SNX14: variants seen among roughly 807,000 people sequenced by gnomAD.
SNX14 encodes the protein sorting nexin 14.
Under a neutral mutation model 133.8 loss-of-function variants are expected in SNX14, and 93 were observed. The observed-to-expected ratio is 0.70, with a 90% confidence interval of 0.59 to 0.83. The LOEUF (loss-of-function observed/expected upper bound fraction) is 0.83. Ranked by LOEUF, SNX14 falls within the 40% of genes least tolerant of loss-of-function variation. The pLI, the probability that SNX14 is intolerant of heterozygous loss-of-function variation, is 0.00. For synonymous variants in SNX14, 368 were observed against 365.6 expected (o/e 1.01, Z -0.07); for missense variants, 945 against 1,094.9 (o/e 0.86, Z 1.93).
At chr6:85,562,499 A>C (rs1450333712) in intron 6 of SNX14, among the ~76,000 whole-genome samples, 3 of 152,108 alleles carry the variant, frequency 2.0e-5, no homozygotes, top group Non-Finnish European at 4.4e-5. Flanking sequence ...CTCAATTAAC[A>C]ATCTTAGTAG....
In SNX14 at chr6:85,520,932, T is replaced by C. The variant is rs560344558; in HGVS notation, c.2108-2884A>G. Among the ~76,000 whole-genome samples, 4 of 152,300 alleles carry C rather than the reference T, an allele frequency of 2.6e-5. No homozygotes were observed. In the South Asian group the frequency reaches 8.3e-4, roughly 32 times the overall value. ...CAAAGAACTCTACTATGAACGTTCT[T>C]AAACATGGATAGATTCTCCAAAGTA... On this transcript the variant is annotated intron_variant, in intron 21 of 28. Transcript: ENST00000314673.
intron 2 of SNX14, 91 bp from the exon 3 acceptor site, chr6:85,572,465 C>A: frequency 1.0e-6 from 1 of 992,390 alleles, no homozygotes; most frequent in Non-Finnish European, 1.5e-6. Flanking sequence ...TTTTTAAAAT[C>A]AATGTATAAA....
chr6:85,585,761 AAGAAATGAGAGAATTCG>A (rs1306681019), intron 1 of SNX14, among the ~76,000 whole-genome samples: 1 of 152,202 alleles, frequency 6.6e-6, no homozygotes, highest in Non-Finnish European at 1.5e-5. Context: ...AAAAATACAG[AAGAAATGAGAGAATTCG>A]AGAATAACCA....
intron 18 of SNX14, among the ~76,000 whole-genome samples, chr6:85,532,992 T>A (rs1434803250): frequency 6.6e-6 from 1 of 152,116 alleles, no homozygotes; most frequent in Non-Finnish European, 1.5e-5. Context: ...GTTGAAGCGA[T>A]CTTCATGCCT....
At chr6:85,591,960 C>T (rs1404778196) in intron 1 of SNX14, among the ~76,000 whole-genome samples, 1 of 152,182 alleles carries the variant, frequency 6.6e-6, no homozygotes, top group Non-Finnish European at 1.5e-5. Flanking sequence ...TTGCAGTGAG[C>T]CGAGACCGCA....
chr6:85,513,598 T>C lies in SNX14; in HGVS notation c.2653+202A>G, dbSNP rs12203963. On this transcript the variant is annotated intron_variant, in intron 26 of 28. Coordinates refer to ENST00000314673, the MANE Select transcript of SNX14 (RefSeq NM_153816.6). The stretch of plus-strand genomic sequence containing the variant: ...GGCTATTATGTGAGTAGAAACAGCC[T>C]TGCCTTAAAGTCCTAATATCTTAGT... Among the ~76,000 whole-genome samples the C allele has an allele frequency of 0.46, 70,440 of 152,062 alleles. 17,741 individuals are homozygous for C. The highest frequency in any genetic ancestry group is 0.6 in the Middle Eastern group (174 of 292).
chr6:85,514,548 C>A lies in SNX14; in HGVS notation c.2350G>T (p.Val784Leu), dbSNP rs750316646. 1.2e-6 allele frequency: 2 copies of A among 1,613,422 alleles called. No individual in the cohort carries two copies. Among genetic ancestry groups the A allele is most frequent in the South Asian group, 1.1e-5 (1 of 91,066 alleles). ...RKQNQNYFMEVMTVEGVYDYL... is the reference protein window; with the variant it reads ...RKQNQNYFMELMTVEGVYDYL... ...TCATAGACTCCTTCTACAGTCATCA[C>A]CTCCATAAAATAATTCTGATTTTGC... Residue 784 changes from valine to leucine, a missense_variant, in exon 24 of 29, where the codon GTG becomes TTG. Physicochemically the swap from Val to Leu is conservative, Grantham distance 32. Around this residue, in one of 3 missense-constraint regions of SNX14, gnomAD observed 412 missense variants for 516.6 expected, o/e 0.80. Coordinates refer to ENST00000314673, the MANE Select transcript of SNX14 (RefSeq NM_153816.6).
rs112263347 is a variant in SNX14, at chr6:85,573,798, A to G, written c.261+460T>C. On this transcript the variant is annotated intron_variant, in intron 2 of 28. Coordinates refer to ENST00000314673, the MANE Select transcript of SNX14 (RefSeq NM_153816.6). Reference sequence around the variant, plus strand: ...CAATCAAAATCTGGTAGTACACCCCAGGAATCTGTATTTTTTAATTCCCCA... The same window carrying G: ...CAATCAAAATCTGGTAGTACACCCCGGGAATCTGTATTTTTTAATTCCCCA... 4.3e-3 allele frequency among the ~76,000 whole-genome samples: 656 copies of G among 152,324 alleles called. 7 individuals carry two copies. The highest frequency in any genetic ancestry group is 0.015 in the African/African-American group (624 of 41,568).
At chr6:85,542,453 G>A (rs570054158) in intron 14 of SNX14, among the ~76,000 whole-genome samples, 64 of 152,266 alleles carry the variant, frequency 4.2e-4, no homozygotes, top group Non-Finnish European at 7.6e-4. Flanking sequence ...GGAGTGCAGT[G>A]GTGCGATCTC....
intron 26 of SNX14, among the ~76,000 whole-genome samples, chr6:85,508,646 T>A (rs1432308981): frequency 1.3e-5 from 2 of 149,974 alleles, no homozygotes; most frequent in East Asian, 3.8e-4. Flanking sequence ...AAGTTACTAT[T>A]AACCATCTTA....
intron 1 of SNX14, among the ~76,000 whole-genome samples, chr6:85,588,133 A>G (rs1801564478): frequency 6.6e-6 from 1 of 152,066 alleles, no homozygotes; most frequent in African/African-American, 2.4e-5. Flanking sequence ...GTACACAAAA[A>G]AACTTAAAAA....
chr6:85,511,690 G>A (rs1224726511), intron 26 of SNX14, among the ~76,000 whole-genome samples: 1 of 152,168 alleles, frequency 6.6e-6, no homozygotes, highest in African/African-American at 2.4e-5. Context: ...ATGTGATGAT[G>A]GACTACCTTA....
chr6:85,587,759 G>A (rs1057342726), intron 1 of SNX14, among the ~76,000 whole-genome samples: 10 of 151,536 alleles, frequency 6.6e-5, no homozygotes, highest in Middle Eastern at 3.4e-3. Context: ...ACCAAACCCC[G>A]CCTTAAATAA....
At chr6:85,554,656 T>G (rs7771612) in intron 7 of SNX14, among the ~76,000 whole-genome samples, 91,084 of 151,898 alleles carry the variant, frequency 0.6, 27,573 homozygotes, top group Admixed American at 0.68. Flanking sequence ...CTTCATTAAT[T>G]ATGATGATTA....
Position 85,506,006 on chromosome 6 carries a change from C to G in SNX14, c.2803-1G>C. On this transcript the variant is annotated splice_acceptor_variant, in intron 28 of 28. Transcript: ENST00000314673. LOFTEE classifies it high-confidence loss of function. Reference sequence around the variant, plus strand: ...TCACAGAGGTAACTTCCTTTTGTACCTAAAGTAAAAATAAATCCATTTAAT... The same window carrying G: ...TCACAGAGGTAACTTCCTTTTGTACGTAAAGTAAAAATAAATCCATTTAAT... The G allele has an allele frequency of 6.3e-7, 1 of 1,584,662 alleles. No individual in the cohort carries two copies. The highest frequency in any genetic ancestry group is 1.1e-5 in the South Asian group (1 of 90,432).
intron 17 of SNX14, among the ~76,000 whole-genome samples, chr6:85,536,021 T>C (rs769794972): frequency 8.5e-5 from 13 of 152,166 alleles, no homozygotes; most frequent in Non-Finnish European, 1.3e-4. Flanking sequence ...CTTGCCTTTA[T>C]GGGACTATGT....
Position 85,547,226 on chromosome 6 carries a change from C to A in SNX14, c.994G>T (p.Val332Leu). 4 of 1,613,352 alleles carry A rather than the reference C, an allele frequency of 2.5e-6. No homozygotes were observed. Among genetic ancestry groups the A allele is most frequent in the Non-Finnish European group, 3.4e-6 (4 of 1,179,560 alleles). ...ATTTGCTTCAATTCTAACTTCAGCACCTTGATATAAGAGAAAGATTAAGTT... is the reference window on the plus strand; with the variant it reads ...ATTTGCTTCAATTCTAACTTCAGCAACTTGATATAAGAGAAAGATTAAGTT... ...FAEPRNKKPSVLKLELKQIRE... is the reference protein window; with the variant it reads ...FAEPRNKKPSLLKLELKQIRE... The change falls in exon 12 of 29, where the codon GTG becomes TTG. Residue 332 changes from valine to leucine, a missense_variant and splice_region_variant. By Grantham distance (32) the Val-to-Leu change is conservative. Coordinates refer to ENST00000314673, the MANE Select transcript of SNX14 (RefSeq NM_153816.6).
chr6:85,582,480 T>C (rs978215942), intron 1 of SNX14, among the ~76,000 whole-genome samples: 1 of 149,448 alleles, frequency 6.7e-6, no homozygotes, highest in East Asian at 1.9e-4. Context: ...AAAAAAGCAA[T>C]GGATCCAGGA....
At chr6:85,522,555 A>G (rs562927317) in intron 21 of SNX14, among the ~76,000 whole-genome samples, 152 of 152,274 alleles carry the variant, frequency 1.0e-3, no homozygotes, top group South Asian at 2.3e-3. Flanking sequence ...TCTCTCAATA[A>G]AAGTTTACAA....
Sources: allele counts gnomAD v4.1 joint callset (sites outside exome capture counted in the v4.1 genomes callset), GRCh38; gene constraint gnomAD v4.1.1; regional missense constraint gnomAD v4.1.1; transcripts MANE v1.5; gene names NCBI Gene and HGNC (gene_info 2026-07-23, HGNC 2026-07-21).